NIBAN1: variants seen among roughly 807,000 people sequenced by gnomAD.
NIBAN1 encodes protein Niban 1.
Under a neutral mutation model 75.1 loss-of-function variants are expected in NIBAN1, and 81 were observed. The ratio of observed to expected loss-of-function variants is 1.08; its 90% CI spans 0.90 to 1.30. NIBAN1 has a LOEUF of 1.30. NIBAN1 is among the 50% of genes most tolerant of loss of function. The probability of loss-of-function intolerance (pLI) is 0.00; values close to 1 mark genes in which losing one functional copy is unlikely to be tolerated. For missense variants in NIBAN1, 1,133 were observed against 1,128.1 expected (o/e 1.00, Z -0.06); for synonymous variants, 436 against 424.8 (o/e 1.03, Z -0.32).
chr1:184,835,912 G>A (rs1655130192), intron 5 of NIBAN1, among the ~76,000 whole-genome samples: 2 of 152,208 alleles, frequency 1.3e-5, no homozygotes, highest in Admixed American at 1.3e-4. Context: ...GGGCATCCCT[G>A]TCTTGTGCCC....
chr1:184,875,753 G>A (rs973816123), intron 5 of NIBAN1, among the ~76,000 whole-genome samples: 4 of 152,132 alleles, frequency 2.6e-5, no homozygotes, highest in African/African-American at 9.7e-5. Context: ...CTGGAGAGAT[G>A]AGAAAACAAA....
intron 12 of NIBAN1, among the ~76,000 whole-genome samples, chr1:184,802,754 G>A (rs374699819): frequency 6.6e-6 from 1 of 152,160 alleles, no homozygotes; most frequent in African/African-American, 2.4e-5. Context: ...AACGGAGCAG[G>A]CCTTGCTTCA....
At chr1:184,840,281 A>C (rs1237201766) in intron 5 of NIBAN1, among the ~76,000 whole-genome samples, 1 of 152,230 alleles carries the variant, frequency 6.6e-6, no homozygotes, top group East Asian at 1.9e-4. Context: ...ATTATATTTT[A>C]TAAACTATAA....
chr1:184,859,203 A>AATAAAT, intron 5 of NIBAN1, among the ~76,000 whole-genome samples: 1 of 151,910 alleles, frequency 6.6e-6, no homozygotes, highest in African/African-American at 2.4e-5. Flanking sequence ...TAAATAAATA[A>AATAAAT]ATATATATAT....
chr1:184,830,915 G>A (rs933392083), intron 6 of NIBAN1, among the ~76,000 whole-genome samples: 8 of 151,390 alleles, frequency 5.3e-5, no homozygotes, highest in Admixed American at 2.6e-4. Context: ...CAGAAGAATC[G>A]CTTGAACTAA....
chr1:184,824,726 A>C (rs1350984946), intron 6 of NIBAN1, among the ~76,000 whole-genome samples: 3 of 152,172 alleles, frequency 2.0e-5, no homozygotes, highest in South Asian at 2.1e-4. Flanking sequence ...AAAATGTAGA[A>C]TGTTGTCTTA....
intron 1 of NIBAN1, among the ~76,000 whole-genome samples, chr1:184,902,368 A>G (rs1656976976): frequency 6.6e-6 from 1 of 152,230 alleles, no homozygotes; most frequent in South Asian, 2.1e-4. Context: ...CACATGTTAA[A>G]TGAAGAAAAC....
chr1:184,920,226 G>A (rs1019693972), intron 1 of NIBAN1, among the ~76,000 whole-genome samples: 4 of 152,072 alleles, frequency 2.6e-5, no homozygotes, highest in Admixed American at 6.6e-5. Context: ...ACCAATTAAC[G>A]TTTATGGCTA....
intron 5 of NIBAN1, among the ~76,000 whole-genome samples, chr1:184,853,059 A>G (rs907111596): frequency 1.3e-5 from 2 of 152,212 alleles, no homozygotes; most frequent in Non-Finnish European, 2.9e-5. Flanking sequence ...CAAATTTGCC[A>G]TTTCATGGTC....
At chr1:184,932,844 T>C (rs1212599695) in intron 1 of NIBAN1, among the ~76,000 whole-genome samples, 1 of 152,216 alleles carries the variant, frequency 6.6e-6, no homozygotes, top group African/African-American at 2.4e-5. Flanking sequence ...TGCCAGTCTC[T>C]CTGCATCTAT....
chr1:184,834,477 T>C (rs1170985192), intron 5 of NIBAN1, among the ~76,000 whole-genome samples: 1 of 152,174 alleles, frequency 6.6e-6, no homozygotes, highest in Non-Finnish European at 1.5e-5. Flanking sequence ...CCACCAACAG[T>C]GTAAAAGCAT....
At chr1:184,853,908 GA>G (rs1655607690) in intron 5 of NIBAN1, among the ~76,000 whole-genome samples, 1 of 152,034 alleles carries the variant, frequency 6.6e-6, no homozygotes, top group Non-Finnish European at 1.5e-5. Context: ...GAAATATAAT[GA>G]AATACATTTC....
At chr1:184,873,337 C>T (rs974792945) in intron 5 of NIBAN1, among the ~76,000 whole-genome samples, 52 of 152,196 alleles carry the variant, frequency 3.4e-4, no homozygotes, top group Non-Finnish European at 2.4e-4. Context: ...TGAAGGAGAT[C>T]AGAACATGCC....
chr1:184,970,947 GT>G (rs932677580), intron 1 of NIBAN1, among the ~76,000 whole-genome samples: 27 of 151,478 alleles, frequency 1.8e-4, no homozygotes, highest in South Asian at 6.3e-4. Flanking sequence ...TTGTTTTGGG[GT>G]TTTTTTTTAA....
intron 1 of NIBAN1, among the ~76,000 whole-genome samples, chr1:184,899,708 C>G (rs1437336909): frequency 2.0e-5 from 3 of 151,932 alleles, no homozygotes; most frequent in African/African-American, 7.3e-5. Context: ...CTCTCCACTT[C>G]TACTTGTTCT....
At chr1:184,914,792 A>G (rs564622129) in intron 1 of NIBAN1, among the ~76,000 whole-genome samples, 83 of 149,574 alleles carry the variant, frequency 5.5e-4, no homozygotes, top group African/African-American at 1.9e-3. Flanking sequence ...GTGATCTCGC[A>G]GCTCACTGCA....
At chr1:184,968,753 C>A (rs941489716) in intron 1 of NIBAN1, among the ~76,000 whole-genome samples, 27 of 151,952 alleles carry the variant, frequency 1.8e-4, no homozygotes, top group African/African-American at 6.3e-4. Context: ...TGTCTATGGA[C>A]AACAATAAAA....
At chr1:184,933,133 C>G (rs1011387895) in intron 1 of NIBAN1, among the ~76,000 whole-genome samples, 1 of 152,206 alleles carries the variant, frequency 6.6e-6, no homozygotes, top group African/African-American at 2.4e-5. Flanking sequence ...TACTACTTCC[C>G]TACACTCCCA....
chr1:184,909,536 C>T (rs1017473780), intron 1 of NIBAN1, among the ~76,000 whole-genome samples: 29 of 152,112 alleles, frequency 1.9e-4, no homozygotes, highest in African/African-American at 7.0e-4. Context: ...GGTAGTATTG[C>T]TAGGCTTGGG....
Sources: gnomAD v4.1 joint callset for allele counts (sites outside exome capture counted in the v4.1 genomes callset) on GRCh38, gnomAD v4.1.1 for gene constraint, MANE v1.5 for transcripts, NCBI Gene and HGNC (gene_info 2026-07-23, HGNC 2026-07-21) for gene names.